The following CAMTA1 variants were observed in gnomAD, a reference collection of about 807,000 sequenced individuals.
The protein encoded by CAMTA1 is calmodulin-binding transcription activator 1.
CAMTA1 carries 27 observed loss-of-function variants against 170.9 expected under a neutral mutation model. The observed-to-expected ratio is 0.16, with a 90% CI of 0.12 to 0.22. CAMTA1 has a LOEUF of 0.22. CAMTA1 is among the 10% of genes least tolerant of loss of function. The pLI is 1.00. For missense variants in CAMTA1, 1,619 were observed against 2,217.2 expected (o/e 0.73, Z 5.42); for synonymous variants, 833 against 891.5 (o/e 0.93, Z 1.17).
At chr1:7,112,942 G>A (rs1288101633) in intron 4 of CAMTA1, among the ~76,000 whole-genome samples, 1 of 152,184 alleles carries the variant, frequency 6.6e-6, no homozygotes, top group Non-Finnish European at 1.5e-5. Flanking sequence ...CCTGTTGAAT[G>A]CGTTGATGCA....
chr1:6,795,190 TCTTA>T (rs1482615759), intron 1 of CAMTA1, among the ~76,000 whole-genome samples: 3 of 152,174 alleles, frequency 2.0e-5, no homozygotes, highest in Non-Finnish European at 2.9e-5. Context: ...ACTTATTTTA[TCTTA>T]CTTTTTTTTA....
chr1:7,071,242 T>C (rs1431552911), intron 3 of CAMTA1, among the ~76,000 whole-genome samples: 29 of 152,308 alleles, frequency 1.9e-4, no homozygotes, highest in Non-Finnish European at 8.8e-5. Context: ...ATTTGTAATC[T>C]TGAGCTAGAA....
At chr1:7,587,198 G>A (rs943794920) in intron 6 of CAMTA1, among the ~76,000 whole-genome samples, 5 of 152,062 alleles carry the variant, frequency 3.3e-5, no homozygotes, top group African/African-American at 7.3e-5. Context: ...CCACACAGCC[G>A]CCACGAAGAA....
In CAMTA1 at chr1:7,319,651, C is replaced by T. The variant is rs550818468; in HGVS notation, c.438+70025C>T. On this transcript the variant is annotated intron_variant, in intron 5 of 22. Transcript: ENST00000303635. ...TAAGGAGGAAACACATACTGGGCAT[C>T]AGGATATAATCATTCATTCATTCAC... 2.0e-5 allele frequency among the ~76,000 whole-genome samples: 3 copies of T among 152,244 alleles called. No homozygotes were observed. The East Asian group carries it at 5.8e-4, about 29-fold the overall frequency.
chr1:7,502,530 G>T (rs1031181505), intron 6 of CAMTA1, among the ~76,000 whole-genome samples: 2 of 152,186 alleles, frequency 1.3e-5, no homozygotes, highest in African/African-American at 4.8e-5. Context: ...TTTAGTGAGG[G>T]AGCCCTTGGA....
At chr1:7,531,173 G>A (rs2094488705) in intron 6 of CAMTA1, among the ~76,000 whole-genome samples, 1 of 151,358 alleles carries the variant, frequency 6.6e-6, no homozygotes. Flanking sequence ...AGCATGGATG[G>A]GAGGGAGGGA....
At position 7,293,811 on chromosome 1, in the gene CAMTA1, C is replaced by T. The variant is rs974162112; in HGVS notation, c.438+44185C>T. 2.0e-5 allele frequency among the ~76,000 whole-genome samples: 3 copies of T among 152,206 alleles called. No individual in the cohort carries two copies. Among genetic ancestry groups the T allele is most frequent in the African/African-American group, 4.8e-5 (2 of 41,452 alleles). On this transcript the variant is annotated intron_variant, in intron 5 of 22. Coordinates refer to ENST00000303635, the MANE Select transcript of CAMTA1 (RefSeq NM_015215.4). The surrounding 1 kb of genome is among the most constrained non-coding windows in gnomAD (Gnocchi z 4.1). Reference sequence around the variant, plus strand: ...GGCTGCCCAGGGTTTCCAGCTCTCCCGTGCCCCTCGCTTTTCTCTGAAAAC... The same window carrying T: ...GGCTGCCCAGGGTTTCCAGCTCTCCTGTGCCCCTCGCTTTTCTCTGAAAAC...
At chr1:7,048,669 C>T (rs746568542) in intron 3 of CAMTA1, among the ~76,000 whole-genome samples, 1 of 152,242 alleles carries the variant, frequency 6.6e-6, no homozygotes, top group African/African-American at 2.4e-5. Context: ...TCCCTTGCAA[C>T]AGTCTTGCCT....
At position 7,186,226 on chromosome 1, in the gene CAMTA1, T is replaced by C. The variant is rs542467879; in HGVS notation, c.303-63265T>C. The stretch of plus-strand genomic sequence containing the variant: ...AGAAAGCAAATGAGATAAAGACATT[T>C]GGGGAATCTGGGTGAAGGATATACA... On this transcript the variant is annotated intron_variant, in intron 4 of 22. Transcript: ENST00000303635. Among the ~76,000 whole-genome samples the C allele has an allele frequency of 4.6e-5, 7 of 152,230 alleles. No homozygotes were observed. The South Asian group carries it at 8.3e-4, about 18-fold the overall frequency.
At chr1:7,649,809 A>C (rs2095836828) in intron 7 of CAMTA1, among the ~76,000 whole-genome samples, 1 of 152,128 alleles carries the variant, frequency 6.6e-6, no homozygotes, top group African/African-American at 2.4e-5. Flanking sequence ...TGTTGGGGAT[A>C]CAGGACCCCA....
At chr1:6,908,405 C>T (rs12133292) in intron 3 of CAMTA1, among the ~76,000 whole-genome samples, 5 of 152,156 alleles carry the variant, frequency 3.3e-5, no homozygotes, top group African/African-American at 4.8e-5. Flanking sequence ...GCCCGCTGCT[C>T]GCTGCAAGTG....
intron 16 of CAMTA1, among the ~76,000 whole-genome samples, chr1:7,739,169 C>G (rs930142806): frequency 3.3e-5 from 5 of 151,976 alleles, no homozygotes; most frequent in African/African-American, 1.2e-4. Context: ...TTGAATTCCT[C>G]TCTTTCCAAC....
intron 11 of CAMTA1, among the ~76,000 whole-genome samples, chr1:7,726,895 G>A (rs1296277449): frequency 6.6e-6 from 1 of 152,214 alleles, no homozygotes; most frequent in Non-Finnish European, 1.5e-5. Flanking sequence ...TGAGCCTCAT[G>A]TGCCCATGGA....
chr1:7,514,307 T>C (rs1387680138), intron 6 of CAMTA1, among the ~76,000 whole-genome samples: 2 of 152,212 alleles, frequency 1.3e-5, no homozygotes, highest in African/African-American at 4.8e-5. Context: ...CAAAGAGCAG[T>C]TGCCCAAACA....
intron 6 of CAMTA1, among the ~76,000 whole-genome samples, chr1:7,479,030 C>T (rs1051632874): frequency 1.5e-4 from 23 of 152,132 alleles, no homozygotes; most frequent in African/African-American, 2.7e-4. Flanking sequence ...AAGACGTGGG[C>T]GGTGGGTGAC....
chr1:7,541,384 G>A (rs764877287), intron 6 of CAMTA1, among the ~76,000 whole-genome samples: 1 of 152,332 alleles, frequency 6.6e-6, no homozygotes, highest in African/African-American at 2.4e-5. Context: ...GATGGGAACT[G>A]GATTTGCTGA....
In CAMTA1 at chr1:7,241,365, A is replaced by G. The variant is rs563926152; in HGVS notation, c.303-8126A>G. On this transcript the variant is annotated intron_variant, in intron 4 of 22. Coordinates refer to ENST00000303635, the MANE Select transcript of CAMTA1 (RefSeq NM_015215.4). Reference sequence around the variant, plus strand: ...AAGACTCAATATTGTTAAGATGGCAATTCTCTCAAAATTGATTTCTAGATT... The same window carrying G: ...AAGACTCAATATTGTTAAGATGGCAGTTCTCTCAAAATTGATTTCTAGATT... Among the ~76,000 whole-genome samples the G allele has an allele frequency of 1.3e-3, 192 of 152,360 alleles. 1 individual carries two copies. The highest frequency in any genetic ancestry group is 4.4e-3 in the African/African-American group (183 of 41,586).
intron 5 of CAMTA1, among the ~76,000 whole-genome samples, chr1:7,364,821 C>T (rs115707763): frequency 1.4e-4 from 21 of 152,278 alleles, no homozygotes; most frequent in African/African-American, 4.8e-4. Flanking sequence ...TAGAATCAGT[C>T]GGAGTCCATG....
chr1:7,630,149 C>T (rs557515741), intron 6 of CAMTA1, among the ~76,000 whole-genome samples: 1 of 152,196 alleles, frequency 6.6e-6, no homozygotes, highest in Non-Finnish European at 1.5e-5. Context: ...GGTCTTGCTG[C>T]GCAATGAAAA....
Sources: gnomAD v4.1 joint callset for allele counts (sites outside exome capture counted in the v4.1 genomes callset) on GRCh38, gnomAD v4.1.1 for gene constraint, Gnocchi (gnomAD v3.1) non-coding constraint, MANE v1.5 for transcripts, NCBI Gene and HGNC (gene_info 2026-07-23, HGNC 2026-07-21) for gene names.